Variants in NRP1 observed in about 807,000 individuals in gnomAD.
NRP1 encodes neuropilin 1.
NRP1 carries 35 observed loss-of-function variants against 106.7 expected under a neutral mutation model. That is an observed-to-expected ratio of 0.33 (90% CI 0.25 to 0.43). The LOEUF is 0.43. Ranked by LOEUF, NRP1 falls within the 20% of genes least tolerant of loss-of-function variation. The pLI, the probability that NRP1 is intolerant of heterozygous loss-of-function variation, is 1.00. For synonymous variants in NRP1, 437 were observed against 417.9 expected (o/e 1.05, Z -0.56); for missense variants, 1,024 against 1,170.4 (o/e 0.87, Z 1.83).
intron 2 of NRP1, among the ~76,000 whole-genome samples, chr10:33,330,355 C>T (rs1490551885): frequency 1.4e-5 from 2 of 140,954 alleles, no homozygotes; most frequent in African/African-American, 2.7e-5. Context: ...CGTAAAAATA[C>T]AAGTGAGATT....
In NRP1 at chr10:33,218,349, T is replaced by C. The variant is rs1012604193; in HGVS notation, c.1282+3370A>G. On this transcript the variant is annotated intron_variant, in intron 8 of 16. Coordinates refer to ENST00000374867, the MANE Select transcript of NRP1 (RefSeq NM_003873.7). ...TATATTTCTTTTTTCTTTCTTTTTT[T>C]TTTTTTTGAGATGGAATCTTGCTCT... is the stretch of plus-strand genomic sequence containing the variant. 3.0e-4 allele frequency among the ~76,000 whole-genome samples: 45 copies of C among 151,818 alleles called. No homozygotes were observed. The East Asian group carries it at 8.3e-3, about 28-fold the overall frequency.
intron 6 of NRP1, among the ~76,000 whole-genome samples, chr10:33,240,040 T>A (rs1037545392): frequency 9.2e-5 from 14 of 152,238 alleles, no homozygotes; most frequent in African/African-American, 3.1e-4. Flanking sequence ...AGGAAATGAA[T>A]ATAGACTTCA....
At chr10:33,202,588 T>G (rs1332591026) in intron 11 of NRP1, 3 of 1,384,694 alleles carry the variant, frequency 2.2e-6, no homozygotes, top group Non-Finnish European at 2.8e-6. Flanking sequence ...CTGAAAATAA[T>G]GAAAATAAGG....
intron 2 of NRP1, among the ~76,000 whole-genome samples, chr10:33,273,025 A>G (rs570692354): frequency 2.8e-5 from 4 of 141,990 alleles, no homozygotes; most frequent in African/African-American, 1.1e-4. Flanking sequence ...ATATCCTCCA[A>G]TAGTAAATAC....
At chr10:33,332,440 G>A (rs1848350871) in intron 1 of NRP1, among the ~76,000 whole-genome samples, 2 of 152,200 alleles carry the variant, frequency 1.3e-5, no homozygotes, top group African/African-American at 4.8e-5. Flanking sequence ...CATCATGGTA[G>A]TGTCTGGCAT....
chr10:33,224,314 C>T (rs1277675619), intron 7 of NRP1, among the ~76,000 whole-genome samples: 1 of 152,132 alleles, frequency 6.6e-6, no homozygotes, highest in African/African-American at 2.4e-5. Flanking sequence ...TGTGGGTGCT[C>T]TCCGACAGCC....
intron 9 of NRP1, among the ~76,000 whole-genome samples, chr10:33,208,840 C>T (rs1243056053): frequency 6.7e-6 from 1 of 149,636 alleles, no homozygotes; most frequent in Non-Finnish European, 1.5e-5. Flanking sequence ...CACCTTTCCA[C>T]TGAAAAAAAT....
At chr10:33,308,053 A>G (rs1846294745) in intron 2 of NRP1, among the ~76,000 whole-genome samples, 1 of 152,224 alleles carries the variant, frequency 6.6e-6, no homozygotes, top group Admixed American at 6.5e-5. Context: ...GAATGAGATC[A>G]TGTCCTTTTC....
chr10:33,334,349 G>A lies in NRP1; in HGVS notation c.34C>T (p.Leu12Phe). 1 of 1,546,664 alleles carries A rather than the reference G, an allele frequency of 6.5e-7. No homozygotes were observed. The highest frequency in any genetic ancestry group is 8.7e-7 in the Non-Finnish European group (1 of 1,147,458). The part of the protein sequence containing the change: ...ERGLPLLCAV[L>F]ALVLAPAGAF... The stretch of plus-strand genomic sequence containing the variant: ...CCGGCCGGGGCGAGGACGAGGGCGA[G>A]CACGGCGCAGAGGAGCGGCAGCCCC... The change falls in exon 1 of 17, where the codon CTC becomes TTC. Residue 12 changes from leucine to phenylalanine, a missense_variant. Leu to Phe is a conservative substitution (Grantham distance 22, BLOSUM62 0). This residue lies in a region of NRP1 where 279 missense variants were observed against 327.4 expected (regional missense o/e 0.85). Coordinates refer to ENST00000374867, the MANE Select transcript of NRP1 (RefSeq NM_003873.7).
chr10:33,296,278 A>C (rs961143893), intron 2 of NRP1, among the ~76,000 whole-genome samples: 4 of 152,222 alleles, frequency 2.6e-5, no homozygotes, highest in Non-Finnish European at 5.9e-5. Context: ...ACGGCCAGAC[A>C]GGAAGGCCTG....
At chr10:33,230,928 C>A (rs1056151702) in intron 6 of NRP1, among the ~76,000 whole-genome samples, 1 of 152,188 alleles carries the variant, frequency 6.6e-6, no homozygotes, top group Non-Finnish European at 1.5e-5. Flanking sequence ...CCCTTACAAG[C>A]CTTTCTCACT....
At chr10:33,306,750 G>T (rs1292039558) in intron 2 of NRP1, among the ~76,000 whole-genome samples, 1 of 152,206 alleles carries the variant, frequency 6.6e-6, no homozygotes, top group Admixed American at 6.5e-5. Flanking sequence ...TAGGTTTCAT[G>T]AGAACAAAGT....
intron 2 of NRP1, among the ~76,000 whole-genome samples, chr10:33,320,007 G>C (rs545690495): frequency 2.0e-5 from 3 of 152,050 alleles, no homozygotes; most frequent in African/African-American, 7.2e-5. Flanking sequence ...GGGCGCGCGG[G>C]GCATGCGTAA....
intron 2 of NRP1, among the ~76,000 whole-genome samples, chr10:33,323,210 G>C (rs1301559752): frequency 6.7e-6 from 1 of 148,974 alleles, no homozygotes; most frequent in East Asian, 2.0e-4. Context: ...CCATCCTTCT[G>C]TGTTTTAAAT....
intron 12 of NRP1, 35 bp downstream of exon 12, chr10:33,197,615 A>G (rs773192280): frequency 3.8e-6 from 6 of 1,562,494 alleles, no homozygotes; most frequent in South Asian, 3.6e-5. Flanking sequence ...AGAGAGGTAC[A>G]TGGAATCTGT....
At chr10:33,323,215 TTAAA>T (rs963375859) in intron 2 of NRP1, among the ~76,000 whole-genome samples, 5 of 144,548 alleles carry the variant, frequency 3.5e-5, no homozygotes, top group Admixed American at 7.5e-5. Context: ...CTTCTGTGTT[TTAAA>T]TAAATAAATA....
At chr10:33,255,933 C>T (rs1029232195) in intron 5 of NRP1, among the ~76,000 whole-genome samples, 3 of 152,182 alleles carry the variant, frequency 2.0e-5, no homozygotes, top group South Asian at 2.1e-4. Context: ...ACTGCTCTGT[C>T]GGTGAACTAC....
At chr10:33,308,263 G>A (rs1183988374) in intron 2 of NRP1, among the ~76,000 whole-genome samples, 2 of 151,842 alleles carry the variant, frequency 1.3e-5, no homozygotes, top group Non-Finnish European at 2.9e-5. Flanking sequence ...ATTGTGTACT[G>A]TGCTTATTAC....
chr10:33,178,603 A>G lies in NRP1; in HGVS notation c.*1473T>C. 6.6e-6 allele frequency: 1 copy of G among 152,206 alleles called. No homozygotes were observed. Among genetic ancestry groups the G allele is most frequent in the East Asian group, 1.9e-4 (1 of 5,204 alleles). 9.4% of individuals were successfully genotyped at this position (152,206 alleles called of 1,614,324 possible). A position where few individuals can be genotyped will look rare whatever the true frequency, so the allele number is the denominator to read the frequency against. ...TTCCACTTCCCTTGTGTGACTCAGT[A>G]GCAAAATAAGAAAGTTCTCTTGGGT... On this transcript the variant is annotated 3_prime_UTR_variant, in exon 17 of 17. Coordinates refer to ENST00000374867, the MANE Select transcript of NRP1 (RefSeq NM_003873.7).
Sources: allele counts gnomAD v4.1 joint callset (sites outside exome capture counted in the v4.1 genomes callset), GRCh38; gene constraint gnomAD v4.1.1; regional missense constraint gnomAD v4.1.1; transcripts MANE v1.5; gene names NCBI Gene and HGNC (gene_info 2026-07-23, HGNC 2026-07-21).